ZBTB45: variants seen among roughly 807,000 people sequenced by gnomAD.
The protein encoded by ZBTB45 is zinc finger and BTB domain containing 45.
ZBTB45 carries 22 observed loss-of-function variants against 28.4 expected under a neutral mutation model. That is an observed-to-expected ratio of 0.77 (90% CI 0.55 to 1.10). The LOEUF is 1.10. Among genes scored for constraint, ZBTB45 ranks in the 50% least tolerant of loss-of-function variants. ZBTB45 has a pLI of 0.00. For missense variants in ZBTB45, 656 were observed against 750.2 expected, an observed-to-expected ratio of 0.87 and a Z score of 1.47; for synonymous variants, 361 against 332.3, an observed-to-expected ratio of 1.09 and a Z score of -0.94.
chr19:58,526,753 G>T (rs1426988649), intron 1 of ZBTB45, among the ~76,000 whole-genome samples: 1 of 147,194 alleles, frequency 6.8e-6, no homozygotes, highest in Admixed American at 6.8e-5. Context: ...GGATGGTCTC[G>T]ATCTCCTGAC....
chr19:58,534,040 C>T (rs950508746), intron 1 of ZBTB45, among the ~76,000 whole-genome samples: 4 of 152,180 alleles, frequency 2.6e-5, no homozygotes, highest in Admixed American at 6.5e-5. Flanking sequence ...GAAGTTAGGG[C>T]GTCAGCTACA....
At chr19:58,530,558 G>T (rs1043167719) in intron 1 of ZBTB45, among the ~76,000 whole-genome samples, 1 of 151,920 alleles carries the variant, frequency 6.6e-6, no homozygotes, top group Non-Finnish European at 1.5e-5. Context: ...TGCCCGCCTC[G>T]GCCTCCCAAA....
chr19:58,536,802 G>A (rs148027660), intron 1 of ZBTB45, among the ~76,000 whole-genome samples: 35 of 152,220 alleles, frequency 2.3e-4, no homozygotes, highest in Admixed American at 3.3e-4. Context: ...TCAGGTAGGC[G>A]CACAACCAGG....
chr19:58,517,887 A>C (rs575165520), intron 1 of ZBTB45, among the ~76,000 whole-genome samples: 1 of 146,958 alleles, frequency 6.8e-6, no homozygotes, highest in African/African-American at 2.5e-5. Context: ...AGACCTGGCC[A>C]GGCCGTCTAC....
In ZBTB45 at chr19:58,514,050, G is replaced by T. The variant is rs1186738625; in HGVS notation, c.*4C>A. On this transcript the variant is annotated 3_prime_UTR_variant, in exon 3 of 3. Coordinates refer to ENST00000594051, the MANE Select transcript of ZBTB45 (RefSeq NM_001316979.2). Reference sequence around the variant, plus strand: ...ACCGTGGGCGAGGCCAGGCCCCAGCGCCATCAGGGCGCAGGGTGCGCCGCC... The same window carrying T: ...ACCGTGGGCGAGGCCAGGCCCCAGCTCCATCAGGGCGCAGGGTGCGCCGCC... 1.4e-6 allele frequency: 2 copies of T among 1,442,906 alleles called. No homozygotes were observed. The highest frequency in any genetic ancestry group is 1.8e-6 in the Non-Finnish European group (2 of 1,104,190). 89.4% of individuals were successfully genotyped at this position (1,442,906 alleles called of 1,614,324 possible). A position where few individuals can be genotyped will look rare whatever the true frequency, so the allele number is the denominator to read the frequency against.
At chr19:58,518,045 C>G (rs2053538017) in intron 1 of ZBTB45, among the ~76,000 whole-genome samples, 1 of 150,654 alleles carries the variant, frequency 6.6e-6, no homozygotes, top group Non-Finnish European at 1.5e-5. Flanking sequence ...CTAAGCCTCC[C>G]CATGTGCCCC....
chr19:58,518,143 C>T (rs1310895330), intron 1 of ZBTB45, among the ~76,000 whole-genome samples: 2 of 152,138 alleles, frequency 1.3e-5, no homozygotes, highest in Non-Finnish European at 2.9e-5. Context: ...ACCTTGCTCT[C>T]TACCCAGCTA....
At chr19:58,526,618 G>A (rs1177907898) in intron 1 of ZBTB45, among the ~76,000 whole-genome samples, 61 of 127,320 alleles carry the variant, frequency 4.8e-4, no homozygotes, top group Non-Finnish European at 8.9e-4. Context: ...TGCAAGCTCC[G>A]CCTCCCGGGT....
intron 1 of ZBTB45, among the ~76,000 whole-genome samples, chr19:58,529,392 C>T (rs1371576363): frequency 6.6e-6 from 1 of 152,182 alleles, no homozygotes; most frequent in Admixed American, 6.5e-5. Context: ...GATCGTACCA[C>T]CGCACTCAGA....
intron 1 of ZBTB45, among the ~76,000 whole-genome samples, chr19:58,536,222 T>C (rs933653246): frequency 2.6e-5 from 4 of 151,976 alleles, no homozygotes; most frequent in Non-Finnish European, 5.9e-5. Context: ...TCCCAGCACT[T>C]TGGGAGGCCG....
intron 1 of ZBTB45, chr19:58,519,000 C>G (rs946906551): frequency 4.6e-5 from 7 of 152,528 alleles, no homozygotes; most frequent in African/African-American, 1.7e-4. Flanking sequence ...ACATTTGACC[C>G]TCAGACCACT....
chr19:58,530,085 C>T (rs1325177564), intron 1 of ZBTB45, among the ~76,000 whole-genome samples: 1 of 152,008 alleles, frequency 6.6e-6, no homozygotes, highest in Non-Finnish European at 1.5e-5. Context: ...TGCCTGCAGT[C>T]CCAGCTACTT....
intron 1 of ZBTB45, among the ~76,000 whole-genome samples, chr19:58,535,949 A>T (rs746473723): frequency 4.6e-5 from 7 of 152,156 alleles, no homozygotes; most frequent in South Asian, 2.1e-4. Context: ...AGAGAATAAC[A>T]TTCTGAGTAG....
At chr19:58,526,530 T>TTA (rs2053608212) in intron 1 of ZBTB45, among the ~76,000 whole-genome samples, 2 of 93,688 alleles carry the variant, frequency 2.1e-5, no homozygotes, top group African/African-American at 3.9e-5. Flanking sequence ...TTATTATTTT[T>TTA]TTTTTTTTTT....
Position 58,536,292 on chromosome 19 carries a change from C to T in ZBTB45, c.-1+2409G>A, listed in dbSNP as rs542259805. Among the ~76,000 whole-genome samples, 22 of 151,920 alleles carry T rather than the reference C, an allele frequency of 1.4e-4. No individual in the cohort carries two copies. The East Asian group carries it at 2.1e-3, about 15-fold the overall frequency. On this transcript the variant is annotated intron_variant, in intron 1 of 1. Transcript: ENST00000600130. ...CATCCTGGCTAACACGGTGAAACCC[C>T]GTCTCCACTAAAAATACAAAAAAAT...
intron 1 of ZBTB45, among the ~76,000 whole-genome samples, chr19:58,532,629 C>T (rs2053640701): frequency 6.6e-6 from 1 of 152,186 alleles, no homozygotes; most frequent in South Asian, 2.1e-4. Flanking sequence ...TCACTGCAAC[C>T]TCTGCCTGCC....
chr19:58,532,957 T>C (rs1396614852), intron 1 of ZBTB45, among the ~76,000 whole-genome samples: 1 of 152,132 alleles, frequency 6.6e-6, no homozygotes, highest in Non-Finnish European at 1.5e-5. Flanking sequence ...TGCCCCAGCC[T>C]CCCGGTAGCT....
chr19:58,517,071 C>T lies in ZBTB45; in HGVS notation c.603G>A (p.Ala201=), dbSNP rs780551836. The T allele has an allele frequency of 5.1e-5, 83 of 1,613,092 alleles. 1 individual carries two copies. The South Asian group carries it at 5.3e-4, about 10-fold the overall frequency. The part of the protein sequence containing the change: ...EGPDADPSLS[A]APDDRGDEDD... The stretch of plus-strand genomic sequence containing the variant: ...CCTCGTCACCTCGGTCATCAGGGGC[C>T]GCGGACAGTGAGGGGTCAGCATCAG... Residue 201 remains alanine (A), a synonymous_variant, in exon 2 of 3, where the codon GCG becomes GCA. Transcript: ENST00000594051.
At chr19:58,535,737 T>G (rs1015018543) in intron 1 of ZBTB45, among the ~76,000 whole-genome samples, 1 of 152,178 alleles carries the variant, frequency 6.6e-6, no homozygotes, top group Non-Finnish European at 1.5e-5. Flanking sequence ...AAATCTCATG[T>G]TATGGTCTAC....
Sources: gnomAD v4.1 joint callset for allele counts (sites outside exome capture counted in the v4.1 genomes callset) on GRCh38, gnomAD v4.1.1 for gene constraint, MANE v1.5 for transcripts, NCBI Gene and HGNC (gene_info 2026-07-23, HGNC 2026-07-21) for gene names.